DESI1: variants seen among roughly 807,000 people sequenced by gnomAD.
The protein encoded by DESI1 is PPPDE peptidase domain containing 2.
Under a neutral mutation model 22.4 loss-of-function variants are expected in DESI1, and 17 were observed. The observed-to-expected ratio is 0.76, with a 90% CI of 0.52 to 1.14. The LOEUF (loss-of-function observed/expected upper bound fraction) is 1.14, where lower values mean the gene tolerates loss of function less well. Among genes scored for constraint, DESI1 ranks in the 50% most tolerant of loss-of-function variants. DESI1 has a pLI of 0.00. For synonymous variants in DESI1, 92 were observed against 84.2 expected, an observed-to-expected ratio of 1.09 and a Z score of -0.51; for missense variants, 177 against 208.9, an observed-to-expected ratio of 0.85 and a Z score of 0.94.
intron 3 of DESI1, 69 bp from the exon 4 acceptor site, chr22:41,604,222 A>C (rs2147038886): frequency 8.5e-7 from 1 of 1,173,064 alleles, no homozygotes; most frequent in Non-Finnish European, 1.2e-6. Flanking sequence ...GTGGCTTCCC[A>C]CAGTAGACCA....
At chr22:41,615,170 C>T (rs902918129) in intron 1 of DESI1, among the ~76,000 whole-genome samples, 1 of 150,714 alleles carries the variant, frequency 6.6e-6, no homozygotes, top group Non-Finnish European at 1.5e-5. Context: ...TGGCTCAAGC[C>T]TGTAATCCCA....
chr22:41,618,135 G>C (rs769399475), intron 1 of DESI1, among the ~76,000 whole-genome samples: 3 of 152,132 alleles, frequency 2.0e-5, no homozygotes, highest in Non-Finnish European at 2.9e-5. Flanking sequence ...GGCTGAGGCG[G>C]GCGGATCACT....
rs1410561005 is a variant in DESI1 at position 41,600,306 on chromosome 22, A to AAC, written c.*790_*791insGT. On this transcript the variant is annotated 3_prime_UTR_variant, in exon 6 of 6. Transcript: ENST00000263256. ...GAGACTGCAAATAACCTACATCATT[A>AAC]CTTGCAGAAAAAAGGCCTTGGCTTC... 3 of 152,290 alleles carry AAC rather than the reference A, an allele frequency of 2.0e-5. No individual in the cohort carries two copies. The highest frequency in any genetic ancestry group is 7.2e-5 in the African/African-American group (3 of 41,468). 9.4% of individuals were successfully genotyped at this position (152,290 alleles called of 1,614,324 possible). A position where few individuals can be genotyped will look rare whatever the true frequency, so the allele number is the denominator to read the frequency against.
chr22:41,613,656 T>C (rs2067531603), intron 1 of DESI1, among the ~76,000 whole-genome samples: 1 of 152,230 alleles, frequency 6.6e-6, no homozygotes, highest in Non-Finnish European at 1.5e-5. Context: ...AACCCCAATC[T>C]GGGCTGCCTG....
rs1481143047 is a variant in DESI1, at chr22:41,620,786, T to A, written c.54A>T (p.Lys18Asn). ...TGGGGCTGAGCCGCCGGGCCAGGCC[T>A]TTGGACAGGTCGTACACGTAGAGCT... ...PVKLYVYDLS[K>N]GLARRLSPIM... Residue 18 changes from lysine to asparagine, a missense_variant, in exon 1 of 6, where the codon AAA (lysine) becomes AAT (asparagine). Coordinates refer to ENST00000263256, the MANE Select transcript of DESI1 (RefSeq NM_015704.3). 2 of 1,612,640 alleles carry A rather than the reference T, an allele frequency of 1.2e-6. No individual in the cohort carries two copies. Among genetic ancestry groups the A allele is most frequent in the South Asian group, 2.2e-5 (2 of 90,844 alleles).
At position 41,599,715 on chromosome 22, in the gene DESI1, A is replaced by C. The variant is rs1374715452; in HGVS notation, c.*1382T>G. The C allele has an allele frequency of 1.3e-5, 2 of 151,778 alleles. No homozygotes were observed. The highest frequency in any genetic ancestry group is 4.8e-5 in the African/African-American group (2 of 41,354). 9.4% of individuals were successfully genotyped at this position (151,778 alleles called of 1,614,324 possible). A position where few individuals can be genotyped will look rare whatever the true frequency, so the allele number is the denominator to read the frequency against. ...GCTGGGACTACAGGCATGCGCCACCATGCCCGGCTAATTTTGTATTTTTAG... is the reference window on the plus strand; with the variant it reads ...GCTGGGACTACAGGCATGCGCCACCCTGCCCGGCTAATTTTGTATTTTTAG... On this transcript the variant is annotated 3_prime_UTR_variant, in exon 6 of 6. Coordinates refer to ENST00000263256, the MANE Select transcript of DESI1 (RefSeq NM_015704.3).
chr22:41,604,993 C>T (rs891966224), intron 3 of DESI1, among the ~76,000 whole-genome samples: 14 of 152,142 alleles, frequency 9.2e-5, no homozygotes, highest in Non-Finnish European at 1.8e-4. Context: ...TCCACTTACT[C>T]AGCTGAGAAA....
chr22:41,612,066 G>A (rs2067520950), intron 1 of DESI1, among the ~76,000 whole-genome samples: 1 of 152,024 alleles, frequency 6.6e-6, no homozygotes, highest in Non-Finnish European at 1.5e-5. Context: ...TACCTTCCAG[G>A]CACTATCCTT....
rs958907235 is a variant in DESI1, at chr22:41,602,589, G to T, written c.413+670C>A. ...GAGTCAGAATAAGCAAATAGACATG[G>T]TCCTGGAATGAGCAGAGGCTGCCTG... On this transcript the variant is annotated intron_variant, in intron 5 of 5. Coordinates refer to ENST00000263256, the MANE Select transcript of DESI1 (RefSeq NM_015704.3). 4 of 986,168 alleles carry T rather than the reference G, an allele frequency of 4.1e-6. No homozygotes were observed. The African/African-American group carries it at 7.0e-5, about 17-fold the overall frequency. 61.1% of individuals were successfully genotyped at this position (986,168 alleles called of 1,614,324 possible). A position where few individuals can be genotyped will look rare whatever the true frequency, so the allele number is the denominator to read the frequency against.
intron 1 of DESI1, among the ~76,000 whole-genome samples, chr22:41,617,871 C>T (rs573013262): frequency 2.6e-5 from 4 of 152,076 alleles, no homozygotes; most frequent in Non-Finnish European, 4.4e-5. Context: ...CAGCACTTTC[C>T]CCTTCACCCA....
At chr22:41,605,627 C>G (rs1436430991) in intron 3 of DESI1, among the ~76,000 whole-genome samples, 2 of 152,144 alleles carry the variant, frequency 1.3e-5, no homozygotes, top group Non-Finnish European at 1.5e-5. Context: ...ACTCATATAA[C>G]AACTATGGAT....
chr22:41,607,378 G>C, intron 2 of DESI1, 47 bp from the exon 3 acceptor site: 1 of 1,564,530 alleles, frequency 6.4e-7, no homozygotes, highest in Middle Eastern at 1.7e-4. Flanking sequence ...TTAAACTTTT[G>C]AGAAAAAGCA....
At chr22:41,613,651 C>G (rs889471967) in intron 1 of DESI1, among the ~76,000 whole-genome samples, 5 of 152,238 alleles carry the variant, frequency 3.3e-5, no homozygotes, top group African/African-American at 1.2e-4. Flanking sequence ...TTCCTAACCC[C>G]AATCTGGGCT....
chr22:41,609,745 C>T (rs1402527812), intron 1 of DESI1, among the ~76,000 whole-genome samples: 5 of 151,898 alleles, frequency 3.3e-5, no homozygotes, highest in South Asian at 2.1e-4. Flanking sequence ...GCCGAGATTG[C>T]GCCACTGTAC....
At chr22:41,601,239 G>T (rs777087245) in intron 5 of DESI1, 49 bp from the exon 6 acceptor site, 13 of 1,537,330 alleles carry the variant, frequency 8.5e-6, no homozygotes, top group Non-Finnish European at 1.1e-5. Context: ...GATGTGGCCT[G>T]CTGTCACACA....
intron 1 of DESI1, among the ~76,000 whole-genome samples, chr22:41,619,168 T>C (rs17002521): frequency 0.072 from 10,972 of 152,220 alleles, 954 homozygotes; most frequent in African/African-American, 0.2. Context: ...TGTGCCTCAA[T>C]CATTTTAACA....
intron 1 of DESI1, 48 bp downstream of exon 1, chr22:41,620,704 T>C (rs760560044): frequency 1.3e-6 from 2 of 1,558,634 alleles, no homozygotes; most frequent in Non-Finnish European, 1.7e-6. Context: ...GCCGCCACCC[T>C]CTGGCCTGGC....
rs977254235 is a variant in DESI1, at chr22:41,602,626, C to T, written c.413+633G>A. 1.7e-5 allele frequency: 17 copies of T among 986,428 alleles called. No individual in the cohort carries two copies. The South Asian group carries it at 3.3e-4, about 19-fold the overall frequency. 61.1% of individuals were successfully genotyped at this position (986,428 alleles called of 1,614,324 possible). On this transcript the variant is annotated intron_variant, in intron 5 of 5. Transcript: ENST00000263256. ...GCAGAGGCTGCCTGAATGCAATCAA[C>T]GACAAGAGGGAGGAGGTGAGATGGC...
intron 1 of DESI1, among the ~76,000 whole-genome samples, chr22:41,620,363 A>C (rs2067579224): frequency 6.6e-6 from 1 of 151,780 alleles, no homozygotes; most frequent in Admixed American, 6.6e-5. Context: ...AGGCATCCTC[A>C]CCTTTCCTAC....
Sources: allele counts gnomAD v4.1 joint callset (sites outside exome capture counted in the v4.1 genomes callset), GRCh38; gene constraint gnomAD v4.1.1; transcripts MANE v1.5; gene names NCBI Gene and HGNC (gene_info 2026-07-23, HGNC 2026-07-21).